The following LDLRAD4 variants were observed in gnomAD, a reference collection of about 807,000 sequenced individuals.
LDLRAD4 encodes the protein low-density lipoprotein receptor class A domain-containing protein 4.
Under a neutral mutation model 17.0 loss-of-function variants are expected in LDLRAD4, and 5 were observed. The observed-to-expected ratio is 0.29, with a 90% confidence interval of 0.15 to 0.62. The LOEUF (loss-of-function observed/expected upper bound fraction) is 0.62. LDLRAD4 is among the 20% of genes least tolerant of loss of function. LDLRAD4 has a pLI of 0.84. For missense variants in LDLRAD4, 340 were observed against 424.7 expected, an observed-to-expected ratio of 0.80 and a Z score of 1.75; for synonymous variants, 168 against 171.8, an observed-to-expected ratio of 0.98 and a Z score of 0.17.
At chr18:13,369,309 T>G (rs111710585) in intron 1 of LDLRAD4, among the ~76,000 whole-genome samples, 12 of 152,234 alleles carry the variant, frequency 7.9e-5, no homozygotes, top group Non-Finnish European at 1.5e-5. Context: ...CTCTAGTTGC[T>G]GTCCAACCTG....
At chr18:13,512,418 C>T (rs1050483019) in intron 3 of LDLRAD4, among the ~76,000 whole-genome samples, 1 of 152,160 alleles carries the variant, frequency 6.6e-6, no homozygotes, top group East Asian at 1.9e-4. Flanking sequence ...GTGAGGTGCT[C>T]GCCATGAGCT....
At chr18:13,353,370 C>A (rs2083154623) in intron 1 of LDLRAD4, among the ~76,000 whole-genome samples, 3 of 152,164 alleles carry the variant, frequency 2.0e-5, no homozygotes. Context: ...GGGTATGTGT[C>A]TTATGTGGGC....
chr18:13,520,632 C>T (rs1387246208), intron 3 of LDLRAD4: 1 of 152,192 alleles, frequency 6.6e-6, no homozygotes, highest in African/African-American at 2.4e-5. Flanking sequence ...ATGGGAGGGT[C>T]TCTTGAGCCC....
At position 13,610,265 on chromosome 18, in the gene LDLRAD4, A is replaced by ATTTTTTTTTTTTTTTTT. The variant is rs1157718015; in HGVS notation, c.182-10828_182-10812dup. Among the ~76,000 whole-genome samples the ATTTTTTTTTTTTTTTTT allele has an allele frequency of 6.4e-5, 4 of 62,512 alleles. 1 individual carries two copies. The highest frequency in any genetic ancestry group is 1.3e-4 in the Non-Finnish European group (4 of 29,692). The allele number at this position is 62,512 out of a possible 152,430, so 41.0% of individuals were successfully genotyped here. ...TTCCATGAAGTTCACCAAAGCCCTA[A>ATTTTTTTTTTTTTTTTT]TTTTTTTTTTTTTTTTTTTTTTTTT... is the stretch of plus-strand genomic sequence containing the variant. On this transcript the variant is annotated intron_variant, in intron 3 of 5. Coordinates refer to ENST00000359446, the Ensembl canonical transcript of LDLRAD4.
exon 6 of LDLRAD4, chr18:13,648,369 C>CTCAT (rs1258026894): frequency 1.3e-5 from 2 of 152,240 alleles, no homozygotes; most frequent in Non-Finnish European, 2.9e-5. Flanking sequence ...TATTTAAAGA[C>CTCAT]TCATACATAT....
chr18:13,611,721 A>G (rs918833796), intron 3 of LDLRAD4: 44 of 985,288 alleles, frequency 4.5e-5, no homozygotes, highest in Non-Finnish European at 5.3e-5. Context: ...TTGTGCTACC[A>G]TACATGGGGA....
At position 13,261,275 on chromosome 18, in the gene LDLRAD4, A is replaced by G. The variant is rs574209783; in HGVS notation, c.-466-16830A>G. Among the ~76,000 whole-genome samples the G allele has an allele frequency of 2.2e-4, 34 of 152,346 alleles. 1 individual carries two copies. In the East Asian group the frequency reaches 6.4e-3, roughly 29 times the overall value. On this transcript the variant is annotated intron_variant, in intron 1 of 5. Transcript: ENST00000399848. ...TAGACCAGCGGGTTCTTGCTGTTCT[A>G]CTTGCTAGATGATAGATTTTCTTCA...
At chr18:13,357,815 T>C (rs2083435880) in intron 1 of LDLRAD4, among the ~76,000 whole-genome samples, 1 of 152,224 alleles carries the variant, frequency 6.6e-6, no homozygotes, top group Admixed American at 6.5e-5. Context: ...ATGGCTCATA[T>C]AAATGGTTGA....
intron 3 of LDLRAD4, among the ~76,000 whole-genome samples, chr18:13,574,804 C>G (rs1001607051): frequency 5.3e-5 from 8 of 152,194 alleles, no homozygotes; most frequent in African/African-American, 1.7e-4. Flanking sequence ...CCTGGTTCTA[C>G]CATGTTCCAA....
intron 2 of LDLRAD4, among the ~76,000 whole-genome samples, chr18:13,437,083 C>A (rs978235058): frequency 6.6e-6 from 1 of 152,240 alleles, no homozygotes; most frequent in Non-Finnish European, 1.5e-5. Context: ...TGGTTAGCAT[C>A]GCTGGAAGAG....
intron 2 of LDLRAD4, among the ~76,000 whole-genome samples, chr18:13,430,391 C>T (rs577390136): frequency 1.3e-5 from 2 of 152,298 alleles, no homozygotes; most frequent in South Asian, 2.1e-4. Flanking sequence ...ATTAAAAGCT[C>T]GGCACAGTTG....
At chr18:13,344,306 G>A (rs898740658) in intron 1 of LDLRAD4, among the ~76,000 whole-genome samples, 2 of 152,192 alleles carry the variant, frequency 1.3e-5, no homozygotes, top group African/African-American at 2.4e-5. Context: ...CATATGGCTA[G>A]CCAGTTTTCC....
At chr18:13,381,824 G>T (rs979998979) in intron 1 of LDLRAD4, among the ~76,000 whole-genome samples, 2 of 152,338 alleles carry the variant, frequency 1.3e-5, no homozygotes, top group South Asian at 2.1e-4. Context: ...ATGAACATAG[G>T]GTGAGATGAT....
intron 3 of LDLRAD4, among the ~76,000 whole-genome samples, chr18:13,590,162 T>C (rs2094998123): frequency 1.3e-5 from 2 of 150,882 alleles, no homozygotes; most frequent in Admixed American, 6.6e-5. Flanking sequence ...TGGGTACGCA[T>C]GTGCGTATAT....
chr18:13,480,761 C>T (rs2093063595), intron 3 of LDLRAD4, among the ~76,000 whole-genome samples: 2 of 152,186 alleles, frequency 1.3e-5, no homozygotes, highest in African/African-American at 2.4e-5. Flanking sequence ...ACTGGAGCTT[C>T]ATTAAGTGGA....
intron 4 of LDLRAD4, among the ~76,000 whole-genome samples, chr18:13,631,051 G>A (rs553760696): frequency 1.3e-5 from 2 of 152,330 alleles, no homozygotes; most frequent in South Asian, 4.1e-4. Context: ...CAGGGTTCGG[G>A]CGTGGTGTGG....
chr18:13,645,288 G>C lies in LDLRAD4; in HGVS notation c.552G>C (p.Gln184His). 2.5e-6 allele frequency: 4 copies of C among 1,614,172 alleles called. No individual in the cohort carries two copies. Among genetic ancestry groups the C allele is most frequent in the Non-Finnish European group, 3.4e-6 (4 of 1,180,014 alleles). Residue 184 changes from glutamine to histidine, a missense_variant, in exon 6 of 6, where the codon CAG (glutamine) becomes CAC (histidine). Coordinates refer to ENST00000359446, the Ensembl canonical transcript of LDLRAD4. The surrounding 1 kb of genome is among the most constrained non-coding windows in gnomAD (Gnocchi z 5.7). ...ACGGTGAAGAGCCACCTCCTTACCAGGGGCCCTGCACCCTGCAGCTCCGGG... is the reference window on the plus strand; with the variant it reads ...ACGGTGAAGAGCCACCTCCTTACCACGGGCCCTGCACCCTGCAGCTCCGGG...
At chr18:13,528,835 C>T (rs2094079391) in intron 3 of LDLRAD4, among the ~76,000 whole-genome samples, 1 of 152,186 alleles carries the variant, frequency 6.6e-6, no homozygotes, top group Non-Finnish European at 1.5e-5. Flanking sequence ...ACATGACTCC[C>T]AGGGGGTTCC....
chr18:13,328,029 C>T (rs960524223), intron 1 of LDLRAD4, among the ~76,000 whole-genome samples: 1 of 152,164 alleles, frequency 6.6e-6, no homozygotes, highest in African/African-American at 2.4e-5. Flanking sequence ...CCTCGCTGAC[C>T]ACCATCAGGC....
Sources: gnomAD v4.1 joint callset for allele counts (sites outside exome capture counted in the v4.1 genomes callset) on GRCh38, gnomAD v4.1.1 for gene constraint, Gnocchi (gnomAD v3.1) non-coding constraint, MANE v1.5 for transcripts, NCBI Gene and HGNC (gene_info 2026-07-23, HGNC 2026-07-21) for gene names.